The following TACC2 variants were observed in gnomAD, a reference collection of about 807,000 sequenced individuals.
TACC2 encodes transforming acidic coiled-coil containing protein 2.
In TACC2, 137 loss-of-function variants were observed where a neutral mutation model predicts 227.3. That is an observed-to-expected ratio of 0.60 (90% CI 0.52 to 0.69). TACC2 has a LOEUF of 0.69. Among genes scored for constraint, TACC2 ranks in the 30% least tolerant of loss-of-function variants. The pLI is 0.00. For synonymous variants in TACC2, 1,523 were observed against 1,487.5 expected, an observed-to-expected ratio of 1.02 and a Z score of -0.55; for missense variants, 3,470 against 3,694.4, an observed-to-expected ratio of 0.94 and a Z score of 1.57.
intron 1 of TACC2, among the ~76,000 whole-genome samples, chr10:122,003,946 G>A (rs1954740410): frequency 6.6e-6 from 1 of 152,034 alleles, no homozygotes; most frequent in African/African-American, 2.4e-5. Flanking sequence ...ATGAGCTACT[G>A]CGCCCAGCCC....
intron 5 of TACC2, among the ~76,000 whole-genome samples, chr10:122,102,608 G>A (rs1397291064): frequency 1.3e-5 from 2 of 152,172 alleles, no homozygotes; most frequent in Non-Finnish European, 2.9e-5. Context: ...CTATTTAGTC[G>A]AAGGCTTATT....
intron 3 of TACC2, among the ~76,000 whole-genome samples, chr10:122,073,144 T>TAC (rs1565213164): frequency 8.9e-6 from 1 of 112,422 alleles, no homozygotes; most frequent in Non-Finnish European, 1.7e-5. Flanking sequence ...TATATATATA[T>TAC]ATATATATAC....
At chr10:122,214,786 G>C (rs1449283236) in intron 9 of TACC2, among the ~76,000 whole-genome samples, 1 of 152,108 alleles carries the variant, frequency 6.6e-6, no homozygotes, top group African/African-American at 2.4e-5. Flanking sequence ...CCATGGTTAG[G>C]AGAAGACAAA....
intron 7 of TACC2, among the ~76,000 whole-genome samples, chr10:122,179,237 T>G (rs1197510849): frequency 6.6e-6 from 1 of 152,226 alleles, no homozygotes; most frequent in Admixed American, 6.5e-5. Flanking sequence ...GTGATGCTTA[T>G]GTGATGTGGG....
chr10:122,219,905 G>A (rs1397011090), intron 11 of TACC2, among the ~76,000 whole-genome samples: 1 of 152,070 alleles, frequency 6.6e-6, no homozygotes, highest in Non-Finnish European at 1.5e-5. Flanking sequence ...GGGCATGGTG[G>A]TGGGCACCTG....
chr10:122,100,263 CA>C (rs369379710), intron 5 of TACC2, among the ~76,000 whole-genome samples: 20,179 of 107,050 alleles, frequency 0.19, 1,651 homozygotes, highest in African/African-American at 0.3. Context: ...GACTCTGTCT[CA>C]AAAAAAAAAA....
rs760147773 is a variant in TACC2, at chr10:122,087,742, G to A, written c.5242G>A (p.Asp1748Asn). 3 of 1,611,646 alleles carry A rather than the reference G, an allele frequency of 1.9e-6. No homozygotes were observed. In the East Asian group the frequency reaches 6.7e-5, roughly 36 times the overall value. The change falls in exon 4 of 23, where the codon GAC becomes AAC. Residue 1748 changes from aspartate to asparagine, a missense_variant. Physicochemically the swap from Asp to Asn is conservative, Grantham distance 23. Around this residue, in one of 10 missense-constraint regions of TACC2, gnomAD observed 1,924 missense variants for 1,978.3 expected, o/e 0.97. Transcript: ENST00000369005. ...CTTGGTGCTGCCAGGAAGCTGTCAG[G>A]ACCCAGCCTGCTCTGACAAGGCTCC... Reference protein sequence around the residue: ...GDLVLPGSCQDPACSDKAPGM... With the variant: ...GDLVLPGSCQNPACSDKAPGM...
intron 8 of TACC2, among the ~76,000 whole-genome samples, chr10:122,197,588 C>T (rs1050349480): frequency 6.6e-6 from 1 of 152,246 alleles, no homozygotes; most frequent in African/African-American, 2.4e-5. Flanking sequence ...TAAAAGATAA[C>T]CCCCACCAGG....
intron 1 of TACC2, among the ~76,000 whole-genome samples, chr10:122,007,034 G>T (rs1311048416): frequency 1.3e-5 from 2 of 151,830 alleles, no homozygotes; most frequent in Non-Finnish European, 2.9e-5. Flanking sequence ...GCTAATTTTT[G>T]TATTTTTAGT....
chr10:122,007,975 C>T (rs1204482405), intron 1 of TACC2, among the ~76,000 whole-genome samples: 1 of 152,156 alleles, frequency 6.6e-6, no homozygotes, highest in Non-Finnish European at 1.5e-5. Context: ...CTGACCACCT[C>T]AGGACTCTGC....
In TACC2 at chr10:122,203,086, G is replaced by A. The variant is rs1436636390; in HGVS notation, c.5972-7311G>A. On this transcript the variant is annotated intron_variant, in intron 8 of 22. Coordinates refer to ENST00000369005, the MANE Select transcript of TACC2 (RefSeq NM_206862.4). ...TTCTACACAGACATGGCAACCATCC[G>A]ATTTCTCAATCTTTTCCCCACCTTT... Among the ~76,000 whole-genome samples, 93 of 152,282 alleles carry A rather than the reference G, an allele frequency of 6.1e-4. 1 individual carries two copies. The highest frequency in any genetic ancestry group is 5.7e-3 in the Admixed American group (88 of 15,306).
intron 5 of TACC2, among the ~76,000 whole-genome samples, chr10:122,128,097 G>A (rs1337412833): frequency 5.9e-5 from 9 of 151,902 alleles, no homozygotes; most frequent in African/African-American, 1.9e-4. Context: ...GACAGCTGAC[G>A]GCCTGAGAGC....
chr10:122,042,011 T>C (rs1409205492), intron 2 of TACC2, among the ~76,000 whole-genome samples: 1 of 152,240 alleles, frequency 6.6e-6, no homozygotes, highest in East Asian at 1.9e-4. Context: ...AGTGGCGCGA[T>C]CTCGGCTCAC....
At chr10:122,155,833 A>ATT (rs66559186) in intron 7 of TACC2, among the ~76,000 whole-genome samples, 4,239 of 118,190 alleles carry the variant, frequency 0.036, 133 homozygotes, top group African/African-American at 0.064. Context: ...TAGTGGGAAA[A>ATT]TTTTTTTTTT....
intron 7 of TACC2, among the ~76,000 whole-genome samples, chr10:122,192,976 C>T (rs1400469842): frequency 6.6e-6 from 1 of 152,116 alleles, no homozygotes; most frequent in Non-Finnish European, 1.5e-5. Context: ...TTTTCCACAC[C>T]GATAAACAGA....
chr10:122,165,210 C>G (rs2093083861), intron 7 of TACC2, among the ~76,000 whole-genome samples: 1 of 152,186 alleles, frequency 6.6e-6, no homozygotes. Context: ...TGCCTTGTTT[C>G]TCATGCACGT....
rs1269775765 is a variant in TACC2, at chr10:122,021,993, G to GA, written c.14dup (p.Asn5LysfsTer39). On this transcript the variant is annotated frameshift_variant, in exon 2 of 23. Coordinates refer to ENST00000369005, the MANE Select transcript of TACC2 (RefSeq NM_206862.4). LOFTEE classifies it high-confidence loss of function. ...AACACTGAATCAACATGGGCAATGA[G>GA]AACAGCACCTCGGACAACCAGGTGG... The GA allele has an allele frequency of 1.9e-6, 3 of 1,614,146 alleles. No homozygotes were observed. The highest frequency in any genetic ancestry group is 2.5e-6 in the Non-Finnish European group (3 of 1,180,018).
intron 5 of TACC2, among the ~76,000 whole-genome samples, chr10:122,120,645 A>G (rs1220936690): frequency 2.0e-5 from 3 of 152,080 alleles, no homozygotes; most frequent in Non-Finnish European, 4.4e-5. Flanking sequence ...GGGGAGAGGG[A>G]CTTTCTGCTG....
chr10:122,197,264 A>G (rs1031476849), intron 8 of TACC2, among the ~76,000 whole-genome samples: 4 of 152,226 alleles, frequency 2.6e-5, no homozygotes, highest in Non-Finnish European at 5.9e-5. Flanking sequence ...CTGTCTCAAA[A>G]TAAACAAACA....
Sources: gnomAD v4.1 joint callset for allele counts (sites outside exome capture counted in the v4.1 genomes callset) on GRCh38, gnomAD v4.1.1 for gene constraint, gnomAD v4.1.1 regional missense constraint, MANE v1.5 for transcripts, NCBI Gene and HGNC (gene_info 2026-07-23, HGNC 2026-07-21) for gene names.